EFCAB11: variants seen among roughly 807,000 people sequenced by gnomAD.
The protein encoded by EFCAB11 is EF-hand calcium-binding domain-containing protein 11.
In EFCAB11, 14 loss-of-function variants were observed where a neutral mutation model predicts 23.0. The ratio of observed to expected loss-of-function variants is 0.61; its 90% CI spans 0.40 to 0.95. The LOEUF (loss-of-function observed/expected upper bound fraction) is 0.95, where lower values mean the gene tolerates loss of function less well. EFCAB11 is among the 40% of genes least tolerant of loss of function. EFCAB11 has a pLI of 0.00. For missense variants in EFCAB11, 198 were observed against 195.8 expected (o/e 1.01, Z -0.07); for synonymous variants, 65 against 66.6 (o/e 0.98, Z 0.11).
At chr14:89,829,052 T>C (rs923685532) in intron 5 of EFCAB11, among the ~76,000 whole-genome samples, 18 of 152,200 alleles carry the variant, frequency 1.2e-4, no homozygotes, top group African/African-American at 4.3e-4. Context: ...AACATGATGG[T>C]GATATGAAGG....
chr14:89,816,165 T>C (rs745945897), intron 5 of EFCAB11, among the ~76,000 whole-genome samples: 3 of 152,202 alleles, frequency 2.0e-5, no homozygotes, highest in Non-Finnish European at 4.4e-5. Context: ...ATGGAGTTGC[T>C]TCCTTGATTT....
chr14:89,879,212 C>T (rs1888531291), intron 5 of EFCAB11, among the ~76,000 whole-genome samples: 1 of 151,914 alleles, frequency 6.6e-6, no homozygotes, highest in African/African-American at 2.4e-5. Flanking sequence ...TGTACTCGAT[C>T]CTACTTCCTT....
intron 5 of EFCAB11, among the ~76,000 whole-genome samples, chr14:89,921,924 A>AT (rs1275826880): frequency 1.3e-5 from 2 of 152,220 alleles, no homozygotes; most frequent in African/African-American, 4.8e-5. Context: ...TATTACCAAA[A>AT]TTCCACCTAG....
At chr14:89,804,141 A>G (rs2140079748) in intron 5 of EFCAB11, among the ~76,000 whole-genome samples, 1 of 152,184 alleles carries the variant, frequency 6.6e-6, no homozygotes, top group South Asian at 2.1e-4. Flanking sequence ...GCTGTTTGGG[A>G]CTGCTCTGAC....
intron 5 of EFCAB11, among the ~76,000 whole-genome samples, chr14:89,915,902 G>GCC (rs1389532736): frequency 6.6e-6 from 1 of 152,048 alleles, no homozygotes; most frequent in African/African-American, 2.4e-5. Flanking sequence ...TTAAAAAATT[G>GCC]AACTTTTCCC....
intron 5 of EFCAB11, among the ~76,000 whole-genome samples, chr14:89,861,929 G>A (rs1384181362): frequency 6.6e-6 from 1 of 152,152 alleles, no homozygotes; most frequent in African/African-American, 2.4e-5. Context: ...TTCAGTTATA[G>A]CAACAAAAAA....
chr14:89,951,499 T>G (rs1361255448), intron 2 of EFCAB11, among the ~76,000 whole-genome samples: 1 of 152,224 alleles, frequency 6.6e-6, no homozygotes, highest in Non-Finnish European at 1.5e-5. Context: ...CTATCACAGT[T>G]TTATGTCTTT....
Position 89,852,968 on chromosome 14 carries a change from C to T in EFCAB11, c.411-55644G>A, listed in dbSNP as rs181672707. Among the ~76,000 whole-genome samples, 283 of 152,286 alleles carry T rather than the reference C, an allele frequency of 1.9e-3. 2 individuals carry two copies. Among genetic ancestry groups the T allele is most frequent in the Non-Finnish European group, 1.9e-3 (132 of 68,028 alleles). ...CCAGCCCCTGGCAACCACCATTCTC[C>T]TTTCAGTCTCTACAAATCTACAGGT... On this transcript the variant is annotated intron_variant, in intron 5 of 5. Transcript: ENST00000316738.
intron 5 of EFCAB11, among the ~76,000 whole-genome samples, chr14:89,822,075 CGA>C (rs1244123262): frequency 1.9e-4 from 29 of 152,128 alleles, no homozygotes; most frequent in African/African-American, 6.7e-4. Flanking sequence ...TTTAATAACT[CGA>C]GGTTTTTTTT....
At chr14:89,944,968 A>G (rs1031986154) in intron 3 of EFCAB11, among the ~76,000 whole-genome samples, 1 of 97,884 alleles carries the variant, frequency 1.0e-5, no homozygotes, top group East Asian at 3.1e-4. Context: ...ATTTTATTAG[A>G]TCTAATAATA....
intron 5 of EFCAB11, among the ~76,000 whole-genome samples, chr14:89,911,433 CACGAGA>C (rs1566807615): frequency 1.3e-5 from 2 of 152,310 alleles, no homozygotes; most frequent in East Asian, 3.9e-4. Context: ...CGCAGACAAA[CACGAGA>C]ACCTTCCTCA....
At chr14:89,825,418 TAAG>T (rs996449280) in intron 5 of EFCAB11, among the ~76,000 whole-genome samples, 6 of 151,958 alleles carry the variant, frequency 3.9e-5, no homozygotes, top group African/African-American at 1.5e-4. Flanking sequence ...ACATCCACCT[TAAG>T]AAGACAGAAA....
intron 5 of EFCAB11, among the ~76,000 whole-genome samples, chr14:89,859,048 G>T (rs1036995801): frequency 6.6e-6 from 1 of 152,110 alleles, no homozygotes; most frequent in Non-Finnish European, 1.5e-5. Context: ...AAGGCCTATG[G>T]TAAGGCAGTA....
intron 5 of EFCAB11, among the ~76,000 whole-genome samples, chr14:89,798,919 T>C (rs1046573963): frequency 1.3e-5 from 2 of 152,210 alleles, no homozygotes; most frequent in African/African-American, 4.8e-5. Flanking sequence ...CCTGAGTAGC[T>C]AAGACTACAG....
In EFCAB11 at chr14:89,795,438, G is replaced by C. The variant is rs1885546307; in HGVS notation, c.*1805C>G. The C allele has an allele frequency of 6.6e-6, 1 of 151,854 alleles. No homozygotes were observed. Among genetic ancestry groups the C allele is most frequent in the Admixed American group, 6.6e-5 (1 of 15,248 alleles). 9.4% of individuals were successfully genotyped at this position (151,854 alleles called of 1,614,324 possible). On this transcript the variant is annotated 3_prime_UTR_variant, in exon 6 of 6. Coordinates refer to ENST00000316738, the MANE Select transcript of EFCAB11 (RefSeq NM_145231.4). ...GCCTGTAATCCCAGCACTTTGGGAG[G>C]CCGAGGCAGACGGATCACTTGAGGT...
upstream of EFCAB11, chr14:89,954,731 A>AC: frequency 6.4e-7 from 1 of 1,553,312 alleles, no homozygotes; most frequent in South Asian, 1.2e-5. Flanking sequence ...CTGGCAGCCT[A>AC]CCGCGGCCAC....
intron 5 of EFCAB11, among the ~76,000 whole-genome samples, chr14:89,908,069 C>T (rs565227678): frequency 1.3e-5 from 2 of 152,332 alleles, no homozygotes; most frequent in East Asian, 3.9e-4. Context: ...GATGTGATAC[C>T]ACTGTCATCT....
intron 5 of EFCAB11, among the ~76,000 whole-genome samples, chr14:89,820,941 G>A (rs1303661352): frequency 6.6e-6 from 1 of 151,818 alleles, no homozygotes; most frequent in Non-Finnish European, 1.5e-5. Flanking sequence ...ATATGTGTAT[G>A]GTTTCTCTTT....
intron 5 of EFCAB11, among the ~76,000 whole-genome samples, chr14:89,901,494 C>T (rs1889335981): frequency 6.6e-6 from 1 of 152,118 alleles, no homozygotes; most frequent in Admixed American, 6.6e-5. Context: ...GTTTCTTGGG[C>T]CCAGCACGCA....
Sources: allele counts gnomAD v4.1 joint callset (sites outside exome capture counted in the v4.1 genomes callset), GRCh38; gene constraint gnomAD v4.1.1; transcripts MANE v1.5; gene names NCBI Gene and HGNC (gene_info 2026-07-23, HGNC 2026-07-21).